SLC10A1: variants seen among roughly 807,000 people sequenced by gnomAD.
SLC10A1 encodes solute carrier family 10 member 1.
SLC10A1 carries 36 observed loss-of-function variants against 20.5 expected under a neutral mutation model. The observed-to-expected ratio is 1.75, with a 90% CI of 1.34 to 2.32. The LOEUF is 2.32. SLC10A1 is among the 30% of genes most tolerant of loss of function. The pLI is 0.00. For synonymous variants in SLC10A1, 188 were observed against 163.6 expected, an observed-to-expected ratio of 1.15 and a Z score of -1.14; for missense variants, 545 against 439.1, an observed-to-expected ratio of 1.24 and a Z score of -2.16.
intron 4 of SLC10A1, among the ~76,000 whole-genome samples, chr14:69,777,073 A>G (rs1883463706): frequency 6.6e-6 from 1 of 152,216 alleles, no homozygotes; most frequent in Non-Finnish European, 1.5e-5. Context: ...AAAGATCCAT[A>G]GAGTATTGTC....
At chr14:69,784,899 G>A (rs1042696947) in intron 2 of SLC10A1, among the ~76,000 whole-genome samples, 5 of 152,144 alleles carry the variant, frequency 3.3e-5, no homozygotes, top group Non-Finnish European at 5.9e-5. Flanking sequence ...TGTGGCCATG[G>A]CACTGGGACA....
chr14:69,778,022 G>A (rs1320733529), intron 4 of SLC10A1, among the ~76,000 whole-genome samples: 1 of 152,094 alleles, frequency 6.6e-6, no homozygotes, highest in East Asian at 1.9e-4. Flanking sequence ...AATAACCTCA[G>A]TTGTCCAAGG....
In SLC10A1 at chr14:69,786,142, G is replaced by T. The variant is rs1220272390; in HGVS notation, c.522C>A (p.Ile174=). The change falls in exon 2 of 5, where the codon ATC becomes ATA. Residue 174 remains isoleucine, a synonymous_variant. Transcript: ENST00000216540. ...ATTGTGGCCGTTTGGATTTGAGGAC[G>T]ATCCCTATGGTGCAAGGAATGAGAA... The part of the protein sequence containing the change: ...VLVLIPCTIG[I]VLKSKRPQYM... 2.5e-6 allele frequency: 4 copies of T among 1,614,078 alleles called. No homozygotes were observed. Among genetic ancestry groups the T allele is most frequent in the Middle Eastern group, 1.6e-4 (1 of 6,062 alleles).
chr14:69,787,061 AC>A (rs1883734520), intron 1 of SLC10A1, among the ~76,000 whole-genome samples: 1 of 152,202 alleles, frequency 6.6e-6, no homozygotes, highest in Non-Finnish European at 1.5e-5. Context: ...AGTAATAGAT[AC>A]CCATGTTGAG....
At chr14:69,783,464 T>G (rs532294464) in intron 2 of SLC10A1, among the ~76,000 whole-genome samples, 1 of 152,236 alleles carries the variant, frequency 6.6e-6, no homozygotes, top group Admixed American at 6.5e-5. Context: ...GCTATTTGTG[T>G]TGAGACTTAA....
At chr14:69,784,053 C>T (rs190182412) in intron 2 of SLC10A1, among the ~76,000 whole-genome samples, 1 of 152,244 alleles carries the variant, frequency 6.6e-6, no homozygotes, top group Admixed American at 6.5e-5. Flanking sequence ...GAGTTGACAT[C>T]TGATGATGCT....
chr14:69,778,515 A>C lies in SLC10A1; in HGVS notation c.761T>G (p.Val254Gly). The C allele has an allele frequency of 6.2e-7, 1 of 1,608,484 alleles. No individual in the cohort carries two copies. The highest frequency in any genetic ancestry group is 1.1e-5 in the South Asian group (1 of 90,364). ...FCLNGRCRRT[V>G]SMETGCQNVQ... is the part of the protein sequence containing the mutation. ...ATTTTGGCATCCAGTCTCCATGCTG[A>C]CAGTGCGTCTGCACCTGTGCCGGTG... Residue 254 changes from valine to glycine, a missense_variant, in exon 4 of 5, where the codon GTC becomes GGC. Val to Gly is a moderately radical substitution (Grantham distance 109). Transcript: ENST00000216540.
At chr14:69,777,603 TTTAA>T (rs1883478716) in intron 4 of SLC10A1, among the ~76,000 whole-genome samples, 11 of 100,628 alleles carry the variant, frequency 1.1e-4, no homozygotes, top group African/African-American at 5.2e-4. Flanking sequence ...TTTTTTTTTT[TTTAA>T]AATTGGTGTT....
At chr14:69,794,378 G>A (rs1882344115) in intron 1 of SLC10A1, among the ~76,000 whole-genome samples, 1 of 152,134 alleles carries the variant, frequency 6.6e-6, no homozygotes, top group Admixed American at 6.5e-5. Context: ...TGGAAATGCT[G>A]ACCTGGAAGA....
chr14:69,783,053 C>T (rs1359855506), intron 2 of SLC10A1, among the ~76,000 whole-genome samples: 2 of 152,046 alleles, frequency 1.3e-5, no homozygotes, highest in Admixed American at 6.6e-5. Context: ...TCTTTAAGAT[C>T]GTTTATGGGT....
intron 1 of SLC10A1, among the ~76,000 whole-genome samples, chr14:69,787,171 T>C (rs1328118728): frequency 6.7e-6 from 1 of 148,226 alleles, no homozygotes; most frequent in East Asian, 1.9e-4. Flanking sequence ...CTGGTTCCTC[T>C]TGATATTATT....
rs940428463 is a variant in SLC10A1, at chr14:69,775,847, C to A, written c.*435G>T. The A allele has an allele frequency of 6.5e-6, 1 of 154,664 alleles. No individual in the cohort carries two copies. The highest frequency in any genetic ancestry group is 3.3e-3 in the Middle Eastern group (1 of 302). The allele number at this position is 154,664 out of a possible 1,614,324, so 9.6% of individuals were successfully genotyped here. On this transcript the variant is annotated 3_prime_UTR_variant, in exon 5 of 5. Transcript: ENST00000216540. ...ATCTGAACTTTTTAGGTTAGAACTT[C>A]TGAAGTTTAATTCTACAGCACTTGT...
chr14:69,784,997 G>T (rs2139716070), intron 2 of SLC10A1, among the ~76,000 whole-genome samples: 1 of 152,290 alleles, frequency 6.6e-6, no homozygotes, highest in Non-Finnish European at 1.5e-5. Flanking sequence ...TTTGTTCCAG[G>T]CCCAAAGCTG....
chr14:69,783,436 A>G (rs1274455312), intron 2 of SLC10A1, among the ~76,000 whole-genome samples: 1 of 152,198 alleles, frequency 6.6e-6, no homozygotes, highest in South Asian at 2.1e-4. Flanking sequence ...AGGTTAAGGA[A>G]GGCTTCCTGG....
At chr14:69,786,044 A>G (rs551792016) in intron 2 of SLC10A1, 53 bp downstream of exon 2, 6 of 1,230,942 alleles carry the variant, frequency 4.9e-6, no homozygotes, top group South Asian at 2.4e-5. Context: ...TTATAGTTGT[A>G]TATGGTGTTT....
chr14:69,785,097 G>A (rs1409458772), intron 2 of SLC10A1, among the ~76,000 whole-genome samples: 1 of 152,272 alleles, frequency 6.6e-6, no homozygotes, highest in East Asian at 1.9e-4. Context: ...GAGGTCAGGA[G>A]GTCAAGTCCT....
rs1225275160 is a variant in SLC10A1, at chr14:69,775,706, A to AT, written c.*575dup. The AT allele has an allele frequency of 1.3e-5, 2 of 152,054 alleles. No individual in the cohort carries two copies. Among genetic ancestry groups the AT allele is most frequent in the Non-Finnish European group, 2.9e-5 (2 of 68,054 alleles). The allele number at this position is 152,054 out of a possible 1,614,324, so 9.4% of individuals were successfully genotyped here. A position where few individuals can be genotyped will look rare whatever the true frequency, so the allele number is the denominator to read the frequency against. Reference sequence around the variant, plus strand: ...GCCCAGTTTTTTCATTTCATTAGCTATTTTTTGAGTTTGTTTTGCCTGATT... The same window carrying AT: ...GCCCAGTTTTTTCATTTCATTAGCTATTTTTTTGAGTTTGTTTTGCCTGATT... On this transcript the variant is annotated 3_prime_UTR_variant, in exon 5 of 5. Transcript: ENST00000216540.
At chr14:69,784,500 G>A (rs1348373525) in intron 2 of SLC10A1, among the ~76,000 whole-genome samples, 1 of 152,106 alleles carries the variant, frequency 6.6e-6, no homozygotes, top group Non-Finnish European at 1.5e-5. Flanking sequence ...AATGGAAGGT[G>A]TTTGAGAGGA....
At chr14:69,784,298 G>A (rs1300881786) in intron 2 of SLC10A1, among the ~76,000 whole-genome samples, 1 of 152,244 alleles carries the variant, frequency 6.6e-6, no homozygotes, top group African/African-American at 2.4e-5. Context: ...GGTCAATTAT[G>A]TCCAATGCTG....
Sources: allele counts gnomAD v4.1 joint callset (sites outside exome capture counted in the v4.1 genomes callset), GRCh38; gene constraint gnomAD v4.1.1; transcripts MANE v1.5; gene names NCBI Gene and HGNC (gene_info 2026-07-23, HGNC 2026-07-21).